The following RBBP8 variants were observed in gnomAD, a reference collection of about 807,000 sequenced individuals.
RBBP8 encodes DNA endonuclease RBBP8.
In RBBP8, 88 loss-of-function variants were observed where a neutral mutation model predicts 108.3. That is an observed-to-expected ratio of 0.81 (90% confidence interval 0.68 to 0.97). The LOEUF (loss-of-function observed/expected upper bound fraction) is 0.97. RBBP8 is among the 50% of genes least tolerant of loss of function. The pLI, the probability that RBBP8 is intolerant of heterozygous loss-of-function variation, is 0.00. For synonymous variants in RBBP8, 332 were observed against 348.2 expected, an observed-to-expected ratio of 0.95 and a Z score of 0.52; for missense variants, 1,023 against 1,049.0, an observed-to-expected ratio of 0.98 and a Z score of 0.34.
intron 16 of RBBP8, among the ~76,000 whole-genome samples, chr18:23,009,523 T>C (rs2046119032): frequency 6.7e-6 from 1 of 149,090 alleles, no homozygotes; most frequent in South Asian, 2.1e-4. Context: ...GTATAATGTA[T>C]TTTATATATA....
chr18:22,993,373 T>C lies in RBBP8; in HGVS notation c.1546T>C (p.Phe516Leu), dbSNP rs1915837739. 1 of 1,614,084 alleles carries C rather than the reference T, an allele frequency of 6.2e-7. No individual in the cohort carries two copies. Among genetic ancestry groups the C allele is most frequent in the Non-Finnish European group, 8.5e-7 (1 of 1,180,032 alleles). ...AGGAAGTGAGACTTCTAAAAACAAA[T>C]TTAGGCAAGTGACTCTTTATGAGGC... ...SQGSETSKNKFRQVTLYEALK... is the reference protein window; with the variant it reads ...SQGSETSKNKLRQVTLYEALK... The change falls in exon 11 of 19, where the codon TTT becomes CTT. Residue 516 changes from phenylalanine (F) to leucine (L), a missense_variant. Transcript: ENST00000327155.
In RBBP8 at chr18:22,993,998, C is replaced by T. The variant is rs145495496; in HGVS notation, c.1939+151C>T. 473 of 553,308 alleles carry T rather than the reference C, an allele frequency of 8.5e-4. 2 individuals carry two copies. The Middle Eastern group carries it at 0.01, about 12-fold the overall frequency. 34.3% of individuals were successfully genotyped at this position (553,308 alleles called of 1,614,324 possible). On this transcript the variant is annotated intron_variant, in intron 12 of 18. Coordinates refer to ENST00000327155, the MANE Select transcript of RBBP8 (RefSeq NM_002894.3). ...TTATAGGACGATTCTCACATTTTAC[C>T]GGTGATTTTTCTGTTCTTTTTTTTT...
In RBBP8 at chr18:22,993,540, TA is replaced by T. The variant is rs1400458335; in HGVS notation, c.1716del (p.Lys572AsnfsTer6). 2 of 1,613,482 alleles carry T rather than the reference TA, an allele frequency of 1.2e-6. No homozygotes were observed. On this transcript the variant is annotated frameshift_variant, in exon 11 of 19. Coordinates refer to ENST00000327155, the MANE Select transcript of RBBP8 (RefSeq NM_002894.3). LOFTEE classifies it high-confidence loss of function. ...CCTTGAATAAATGCTCTCCAGACAA[TA>T]AACCATCATTACAAATAAAAGAAGA... ...QPLNKCSPDN[K>X]PSLQIKEENA...
At chr18:22,990,327 T>G (rs946539753) in intron 9 of RBBP8, among the ~76,000 whole-genome samples, 1 of 152,206 alleles carries the variant, frequency 6.6e-6, no homozygotes, top group African/African-American at 2.4e-5. Context: ...CTTGTATGCA[T>G]GTTAAAGATT....
chr18:23,014,575 G>C (rs1356418448), intron 16 of RBBP8, among the ~76,000 whole-genome samples: 1 of 152,168 alleles, frequency 6.6e-6, no homozygotes. Context: ...TCAGGCTGCA[G>C]TAAGCTATGC....
chr18:22,972,813 A>T (rs777814735), intron 5 of RBBP8, among the ~76,000 whole-genome samples: 13 of 152,138 alleles, frequency 8.5e-5, no homozygotes, highest in Non-Finnish European at 1.8e-4. Flanking sequence ...CAAGCTAGAT[A>T]TTTTTTTAAA....
chr18:22,962,385 A>G (rs1023591302), intron 4 of RBBP8, among the ~76,000 whole-genome samples: 1 of 152,042 alleles, frequency 6.6e-6, no homozygotes, highest in African/African-American at 2.4e-5. Flanking sequence ...AGGTATTCTT[A>G]AAACTCACTC....
chr18:22,953,797 C>T (rs377470956), intron 4 of RBBP8, among the ~76,000 whole-genome samples: 2 of 151,762 alleles, frequency 1.3e-5, no homozygotes, highest in East Asian at 3.9e-4. Context: ...AAAGGACTGC[C>T]TGAGATTGGG....
chr18:23,020,428 T>C (rs1568008003), intron 17 of RBBP8, among the ~76,000 whole-genome samples: 1 of 151,660 alleles, frequency 6.6e-6, no homozygotes, highest in Non-Finnish European at 1.5e-5. Context: ...TCTCAATAAA[T>C]AAATAAATAA....
intron 3 of RBBP8, among the ~76,000 whole-genome samples, chr18:22,924,545 C>T (rs1290776264): frequency 6.6e-6 from 1 of 152,182 alleles, no homozygotes; most frequent in Non-Finnish European, 1.5e-5. Flanking sequence ...CTTCAGCCTC[C>T]TGAGTAGCTG....
chr18:23,011,566 A>G (rs1265109367), intron 16 of RBBP8, among the ~76,000 whole-genome samples: 2 of 150,404 alleles, frequency 1.3e-5, no homozygotes, highest in East Asian at 3.9e-4. Context: ...CCTCCTGTGT[A>G]GCTGGGACTA....
In RBBP8 at chr18:22,984,948, C is replaced by T; in HGVS notation, c.667C>T (p.Leu223=). 1 of 1,611,696 alleles carries T rather than the reference C, an allele frequency of 6.2e-7. No homozygotes were observed. Among genetic ancestry groups the T allele is most frequent in the Non-Finnish European group, 8.5e-7 (1 of 1,178,396 alleles). The part of the protein sequence containing the change: ...PQHNPNENEI[L]VADTYDQSQS... ...ACATAATCCTAATGAAAATGAAATT[C>T]TAGTAGCTGACACTTATGACCAAAG... The change falls in exon 8 of 19, where the codon CTA becomes TTA. Residue 223 remains leucine (L), a synonymous_variant. Transcript: ENST00000327155.
In RBBP8 at chr18:22,993,258, T is replaced by C. The variant is rs768131325; in HGVS notation, c.1431T>C (p.Asn477=). 1.1e-5 allele frequency: 17 copies of C among 1,614,222 alleles called. No individual in the cohort carries two copies. Among genetic ancestry groups the C allele is most frequent in the Non-Finnish European group, 1.4e-5 (16 of 1,180,040 alleles). The change falls in exon 11 of 19, where the codon AAT becomes AAC. Residue 477 remains asparagine (N), a synonymous_variant. Coordinates refer to ENST00000327155, the MANE Select transcript of RBBP8 (RefSeq NM_002894.3). The part of the protein sequence containing the change: ...KENAFPFPMD[N]QFSMNGDCVM... ...ATGCTTTCCCTTTTCCAATGGATAA[T>C]CAGTTTTCCATGAATGGAGACTGTG...
intron 5 of RBBP8, 100 bp downstream of exon 5, chr18:22,969,018 T>C: frequency 2.3e-6 from 2 of 871,210 alleles, no homozygotes; most frequent in South Asian, 3.2e-5. Flanking sequence ...TTTACATATA[T>C]TTTTCCTTAT....
chr18:22,965,538 T>A (rs1477700139), intron 4 of RBBP8, among the ~76,000 whole-genome samples: 1 of 152,168 alleles, frequency 6.6e-6, no homozygotes, highest in Non-Finnish European at 1.5e-5. Context: ...GGGCCTAGGC[T>A]GGAATCTGAG....
At position 22,993,200 on chromosome 18, in the gene RBBP8, T is replaced by G; in HGVS notation, c.1373T>G (p.Val458Gly). Residue 458 changes from valine (V) to glycine (G), a missense_variant, in exon 11 of 19, where the codon GTA becomes GGA. Transcript: ENST00000327155. ...ACTGAGGAAGAAAGTGAACATGAAG[T>G]AAGCTGCCCCCAAGCTTCTTTTGAT... ...KKTEEESEHEVSCPQASFDKE... is the reference protein window; with the variant it reads ...KKTEEESEHEGSCPQASFDKE... The G allele has an allele frequency of 6.2e-7, 1 of 1,614,152 alleles. No individual in the cohort carries two copies. The highest frequency in any genetic ancestry group is 8.5e-7 in the Non-Finnish European group (1 of 1,179,998).
chr18:22,978,604 G>T (rs6507416), intron 6 of RBBP8, among the ~76,000 whole-genome samples: 150,334 of 152,152 alleles, frequency 0.99, 74,302 homozygotes, highest in East Asian at 1. Flanking sequence ...TGTTTCAGGT[G>T]GAATTTTTAT....
intron 3 of RBBP8, 83 bp from the exon 4 acceptor site, chr18:22,949,535 T>C: frequency 2.0e-6 from 2 of 999,476 alleles, no homozygotes; most frequent in South Asian, 2.7e-5. Flanking sequence ...AAGAAATTTG[T>C]TATATAAACA....
chr18:22,929,507 TG>T (rs35396684), upstream of RBBP8: 18,525 of 60,886 alleles, frequency 0.3, 2,072 homozygotes, highest in Admixed American at 0.37. Flanking sequence ...TGTGTGTGTG[TG>T]TGAAGAGACA....
Sources: allele counts gnomAD v4.1 joint callset (sites outside exome capture counted in the v4.1 genomes callset), GRCh38; gene constraint gnomAD v4.1.1; transcripts MANE v1.5; gene names NCBI Gene and HGNC (gene_info 2026-07-23, HGNC 2026-07-21).